The following CNTNAP2 variants were observed in gnomAD, a reference collection of about 807,000 sequenced individuals.
CNTNAP2 encodes the protein contactin-associated protein-like 2.
Under a neutral mutation model 155.2 loss-of-function variants are expected in CNTNAP2, and 98 were observed. The observed-to-expected ratio is 0.63, with a 90% CI of 0.54 to 0.75. The LOEUF is 0.75. Among genes scored for constraint, CNTNAP2 ranks in the 30% least tolerant of loss-of-function variants. The probability of loss-of-function intolerance (pLI) is 0.00; values close to 1 mark genes in which losing one functional copy is unlikely to be tolerated. For synonymous variants in CNTNAP2, 651 were observed against 631.2 expected, an observed-to-expected ratio of 1.03 and a Z score of -0.47; for missense variants, 1,727 against 1,688.1, an observed-to-expected ratio of 1.02 and a Z score of -0.40.
intron 1 of CNTNAP2, among the ~76,000 whole-genome samples, chr7:146,247,194 G>C (rs1248370049): frequency 6.6e-6 from 1 of 152,148 alleles, no homozygotes; most frequent in Non-Finnish European, 1.5e-5. Flanking sequence ...TTTCATATTT[G>C]ATGAAAGAGC....
At chr7:147,180,449 C>G (rs893913819) in intron 8 of CNTNAP2, among the ~76,000 whole-genome samples, 2 of 152,048 alleles carry the variant, frequency 1.3e-5, no homozygotes, top group African/African-American at 4.8e-5. Flanking sequence ...ACTACAGTCC[C>G]TCTGCTGCCC....
intron 1 of CNTNAP2, among the ~76,000 whole-genome samples, chr7:146,665,868 TA>T (rs1800185507): frequency 6.7e-6 from 1 of 150,304 alleles, no homozygotes; most frequent in Admixed American, 6.6e-5. Context: ...TAAACTGACA[TA>T]AAAATATTTA....
intron 21 of CNTNAP2, among the ~76,000 whole-genome samples, chr7:148,309,001 A>C (rs928219183): frequency 1.3e-5 from 2 of 151,988 alleles, no homozygotes; most frequent in African/African-American, 4.8e-5. Context: ...GTTGGTTCCA[A>C]CTCTTTGCTA....
At chr7:148,253,453 C>A (rs1013043093) in intron 20 of CNTNAP2, among the ~76,000 whole-genome samples, 1 of 152,094 alleles carries the variant, frequency 6.6e-6, no homozygotes, top group Non-Finnish European at 1.5e-5. Context: ...AATATTATTC[C>A]TTCATTGTTT....
intron 14 of CNTNAP2, among the ~76,000 whole-genome samples, chr7:147,961,656 T>G (rs1397902606): frequency 6.6e-6 from 1 of 152,198 alleles, no homozygotes; most frequent in Non-Finnish European, 1.5e-5. Context: ...TTTCGCCAGC[T>G]TGAACAGATT....
chr7:148,257,039 G>A (rs1259415715), intron 20 of CNTNAP2, among the ~76,000 whole-genome samples: 1 of 152,102 alleles, frequency 6.6e-6, no homozygotes, highest in Non-Finnish European at 1.5e-5. Context: ...GAGCATTCTG[G>A]GCAAAAGATA....
chr7:147,382,294 A>C (rs1344367936), intron 9 of CNTNAP2, among the ~76,000 whole-genome samples: 1 of 152,144 alleles, frequency 6.6e-6, no homozygotes, highest in Non-Finnish European at 1.5e-5. Context: ...TTCAAGCCAG[A>C]AACAAATTGG....
chr7:146,399,528 A>T (rs1397340560), intron 1 of CNTNAP2, among the ~76,000 whole-genome samples: 3 of 152,202 alleles, frequency 2.0e-5, no homozygotes, highest in Non-Finnish European at 4.4e-5. Flanking sequence ...TCTGAAGATT[A>T]TTCCACTGTG....
intron 1 of CNTNAP2, among the ~76,000 whole-genome samples, chr7:146,335,548 C>G (rs1256272951): frequency 1.3e-5 from 2 of 152,302 alleles, no homozygotes; most frequent in East Asian, 3.9e-4. Flanking sequence ...GTTGTTCTGT[C>G]TGAGAGCTAC....
intron 1 of CNTNAP2, among the ~76,000 whole-genome samples, chr7:146,541,042 C>A (rs1797945465): frequency 6.6e-6 from 1 of 151,944 alleles, no homozygotes; most frequent in Non-Finnish European, 1.5e-5. Flanking sequence ...TCTAAAATAT[C>A]TCCACTATTA....
intron 1 of CNTNAP2, among the ~76,000 whole-genome samples, chr7:146,651,787 T>C (rs930662876): frequency 2.0e-5 from 3 of 152,160 alleles, no homozygotes; most frequent in African/African-American, 7.2e-5. Flanking sequence ...AGATAGTGTG[T>C]CACCAATGCT....
rs963342894 is a variant in CNTNAP2 at position 146,413,019 on chromosome 7, G to A, written c.97+296046G>A. Among the ~76,000 whole-genome samples the A allele has an allele frequency of 1.2e-4, 18 of 152,218 alleles. No homozygotes were observed. In the South Asian group the frequency reaches 2.5e-3, roughly 21 times the overall value. The stretch of plus-strand genomic sequence containing the variant: ...AGACCACAAAATGTGGCTGATTGTC[G>A]GTGAATCAGGCTATTACAGTTACAC... On this transcript the variant is annotated intron_variant, in intron 1 of 23. Transcript: ENST00000361727.
chr7:146,208,364 ACT>A (rs1798981421), intron 1 of CNTNAP2, among the ~76,000 whole-genome samples: 1 of 152,000 alleles, frequency 6.6e-6, no homozygotes. Context: ...TCTATATTTC[ACT>A]CTCTTCTGTC....
chr7:146,622,146 C>T (rs1404020271), intron 1 of CNTNAP2, among the ~76,000 whole-genome samples: 2 of 136,312 alleles, frequency 1.5e-5, no homozygotes, highest in Non-Finnish European at 3.1e-5. Context: ...TATATATACA[C>T]ACACGTATAT....
At chr7:148,002,381 C>T (rs1448053297) in intron 15 of CNTNAP2, among the ~76,000 whole-genome samples, 1 of 152,016 alleles carries the variant, frequency 6.6e-6, no homozygotes, top group Non-Finnish European at 1.5e-5. Context: ...TTAAGAATTT[C>T]CTTATCTATG....
chr7:146,849,970 T>A (rs1794840439), intron 3 of CNTNAP2, among the ~76,000 whole-genome samples: 1 of 152,204 alleles, frequency 6.6e-6, no homozygotes, highest in African/African-American at 2.4e-5. Flanking sequence ...AAGATACCCA[T>A]TCTATGTGTT....
intron 1 of CNTNAP2, among the ~76,000 whole-genome samples, chr7:146,674,762 T>C (rs530720742): frequency 1.3e-5 from 2 of 152,212 alleles, no homozygotes; most frequent in African/African-American, 4.8e-5. Context: ...GTTTAATCCC[T>C]GGGTGGCCGG....
At chr7:146,863,171 A>C (rs1795137819) in intron 3 of CNTNAP2, among the ~76,000 whole-genome samples, 1 of 152,162 alleles carries the variant, frequency 6.6e-6, no homozygotes, top group African/African-American at 2.4e-5. Context: ...AGTGACAAAA[A>C]ATTTTTCATA....
At chr7:146,453,636 A>C (rs1390621071) in intron 1 of CNTNAP2, among the ~76,000 whole-genome samples, 1 of 152,240 alleles carries the variant, frequency 6.6e-6, no homozygotes, top group Non-Finnish European at 1.5e-5. Flanking sequence ...ACTGATGATC[A>C]AAGTAGTAAA....
Sources: gnomAD v4.1 joint callset for allele counts (sites outside exome capture counted in the v4.1 genomes callset) on GRCh38, gnomAD v4.1.1 for gene constraint, MANE v1.5 for transcripts, NCBI Gene and HGNC (gene_info 2026-07-23, HGNC 2026-07-21) for gene names.